OSBPL2: variants seen among roughly 807,000 people sequenced by gnomAD.
OSBPL2 encodes oxysterol-binding protein-related protein 2.
A neutral mutation model predicts 58.4 loss-of-function variants in OSBPL2; 18 were observed. The observed-to-expected ratio is 0.31, with a 90% CI of 0.21 to 0.46. OSBPL2 has a LOEUF of 0.46. Ranked by LOEUF, OSBPL2 falls within the 20% of genes least tolerant of loss-of-function variation. The probability of loss-of-function intolerance (pLI) is 1.00; values close to 1 mark genes in which losing one functional copy is unlikely to be tolerated. For missense variants in OSBPL2, 461 were observed against 616.5 expected (o/e 0.75, Z 2.67); for synonymous variants, 221 against 234.1 (o/e 0.94, Z 0.51).
chr20:62,240,633 G>A (rs549584601), intron 1 of OSBPL2, among the ~76,000 whole-genome samples: 2 of 152,254 alleles, frequency 1.3e-5, no homozygotes, highest in East Asian at 3.9e-4. Context: ...ACCCTGTACT[G>A]CCTTTTAATA....
intron 1 of OSBPL2, among the ~76,000 whole-genome samples, chr20:62,247,554 C>T (rs779173550): frequency 6.6e-6 from 1 of 152,152 alleles, no homozygotes; most frequent in African/African-American, 2.4e-5. Context: ...TTTGACCTGT[C>T]AGGAGGAGGA....
intron 8 of OSBPL2, 178 bp from the exon 9 acceptor site, chr20:62,281,612 T>C: frequency 1.8e-6 from 1 of 563,268 alleles, no homozygotes; most frequent in Non-Finnish European, 3.2e-6. Context: ...GACCGAATCA[T>C]GGAGCCGTCC....
Position 62,279,206 on chromosome 20 carries a change from C to G in OSBPL2, c.541C>G (p.Pro181Ala), listed in dbSNP as rs1010749695. ...FISEQVSHHP[P>A]ISAFHSEGLN... ...ATCGGAACAGGTCAGTCACCACCCC[C>G]CCATCAGTGCGTTCCACTCGGAAGG... Residue 181 changes from proline (P) to alanine (A), a missense_variant, in exon 7 of 14, where the codon CCC (proline) becomes GCC (alanine). By Grantham distance (27) the Pro-to-Ala change is conservative. Around this residue, in one of 5 missense-constraint regions of OSBPL2, gnomAD observed 319 missense variants for 419.2 expected, o/e 0.76. Transcript: ENST00000313733. 6.8e-6 allele frequency: 11 copies of G among 1,614,216 alleles called. No individual in the cohort carries two copies. The highest frequency in any genetic ancestry group is 8.5e-6 in the Non-Finnish European group (10 of 1,180,028).
intron 7 of OSBPL2, chr20:62,279,910 G>A (rs1450899193): frequency 1.6e-6 from 2 of 1,282,994 alleles, no homozygotes; most frequent in East Asian, 1.1e-4. Context: ...TGTGGCAGGG[G>A]TGACTTAGGG....
intron 5 of OSBPL2, 113 bp downstream of exon 5, chr20:62,272,372 C>G: frequency 8.7e-7 from 1 of 1,144,644 alleles, no homozygotes; most frequent in Non-Finnish European, 1.2e-6. Context: ...CAGCTCCCCC[C>G]AGTGTTCAGT....
intron 6 of OSBPL2, among the ~76,000 whole-genome samples, chr20:62,275,213 G>T (rs1982311504): frequency 6.6e-6 from 1 of 152,156 alleles, no homozygotes; most frequent in Non-Finnish European, 1.5e-5. Context: ...AAAAAAATGA[G>T]AGGAACTGTC....
chr20:62,244,430 G>A lies in OSBPL2; in HGVS notation c.-129+5833G>A, dbSNP rs540541692. ...CCTTGGAGTGCTCTCCCTGCCCTCCGGCATGGCTTTCTGAGAGCAGGGCGC... is the reference window on the plus strand; with the variant it reads ...CCTTGGAGTGCTCTCCCTGCCCTCCAGCATGGCTTTCTGAGAGCAGGGCGC... On this transcript the variant is annotated intron_variant, in intron 1 of 13. Transcript: ENST00000313733. Among the ~76,000 whole-genome samples, 7 of 152,320 alleles carry A rather than the reference G, an allele frequency of 4.6e-5. No homozygotes were observed. The East Asian group carries it at 1.2e-3, about 25-fold the overall frequency.
intron 1 of OSBPL2, among the ~76,000 whole-genome samples, chr20:62,240,177 T>C (rs1415638109): frequency 6.6e-6 from 1 of 152,118 alleles, no homozygotes; most frequent in Non-Finnish European, 1.5e-5. Flanking sequence ...TACCACAGTC[T>C]CTGACACCTA....
In OSBPL2 at chr20:62,296,148, T is replaced by C. The variant is rs753802236; in HGVS notation, c.*2261T>C. 1 of 152,252 alleles carries C rather than the reference T, an allele frequency of 6.6e-6. No homozygotes were observed. Among genetic ancestry groups the C allele is most frequent in the Admixed American group, 6.5e-5 (1 of 15,286 alleles). The allele number at this position is 152,252 out of a possible 1,614,324, so 9.4% of individuals were successfully genotyped here. ...TTTGTCACCTTGGATATCTATTGAA[T>C]GTTAAACATCTCTAATAAAGATGGC... On this transcript the variant is annotated 3_prime_UTR_variant, in exon 14 of 14. Coordinates refer to ENST00000313733, the MANE Select transcript of OSBPL2 (RefSeq NM_144498.4).
chr20:62,280,535 C>T (rs1442845120), intron 7 of OSBPL2, among the ~76,000 whole-genome samples: 2 of 152,266 alleles, frequency 1.3e-5, no homozygotes, highest in South Asian at 2.1e-4. Flanking sequence ...GTGGCTCCCC[C>T]ACGTAGCACC....
chr20:62,279,732 C>T (rs977798033), intron 7 of OSBPL2, among the ~76,000 whole-genome samples: 6 of 152,348 alleles, frequency 3.9e-5, no homozygotes, highest in South Asian at 2.1e-4. Context: ...GTCTGAGGGC[C>T]GGGGACCGTG....
At chr20:62,255,692 A>G (rs1380720119) in intron 1 of OSBPL2, among the ~76,000 whole-genome samples, 1 of 152,020 alleles carries the variant, frequency 6.6e-6, no homozygotes, top group Non-Finnish European at 1.5e-5. Context: ...TTAGTTAGAG[A>G]CAGGGTTTCA....
intron 1 of OSBPL2, among the ~76,000 whole-genome samples, chr20:62,247,497 G>A (rs563342456): frequency 2.6e-5 from 4 of 152,278 alleles, no homozygotes; most frequent in African/African-American, 9.6e-5. Flanking sequence ...ATGCCTGACC[G>A]CAGTGTGATC....
intron 4 of OSBPL2, among the ~76,000 whole-genome samples, chr20:62,267,968 T>C (rs1981798532): frequency 1.3e-5 from 2 of 152,054 alleles, no homozygotes; most frequent in East Asian, 3.9e-4. Flanking sequence ...CTGCAACCTC[T>C]GCCTCCTGGG....
chr20:62,243,857 A>AC (rs1184171847), intron 1 of OSBPL2, among the ~76,000 whole-genome samples: 1 of 11,850 alleles, frequency 8.4e-5, no homozygotes, highest in Non-Finnish European at 1.5e-4. Flanking sequence ...TTTTAATTAA[A>AC]AAAAAATTTT....
At position 62,279,029 on chromosome 20, in the gene OSBPL2, C is replaced by T. The variant is rs536062085; in HGVS notation, c.492-128C>T. On this transcript the variant is annotated intron_variant, in intron 6 of 13. Coordinates refer to ENST00000313733, the MANE Select transcript of OSBPL2 (RefSeq NM_144498.4). ...GGAGAGGTGGTGTTGGGTGTTTCCG[C>T]CACATGTTGTGGCATGGAGGGCCCC... 12 of 734,366 alleles carry T rather than the reference C, an allele frequency of 1.6e-5. No homozygotes were observed. The East Asian group carries it at 2.9e-4, about 18-fold the overall frequency. 45.5% of individuals were successfully genotyped at this position (734,366 alleles called of 1,614,324 possible).
rs545890696 is a variant in OSBPL2, at chr20:62,284,053, A to C, written c.880A>C (p.Lys294Gln). The C allele has an allele frequency of 3.1e-6, 5 of 1,611,262 alleles. No homozygotes were observed. The African/African-American group carries it at 4.0e-5, about 13-fold the overall frequency. ...AATCCCATTTAATTACAGCAAAAAG[A>C]AGCTCTTTATGATCTATGGCAAATG... ...EGHIQDKNKK[K>Q]LFMIYGKWTE... The change falls in exon 10 of 14, where the codon AAG becomes CAG. Residue 294 changes from lysine to glutamine, a missense_variant. Coordinates refer to ENST00000313733, the MANE Select transcript of OSBPL2 (RefSeq NM_144498.4).
At chr20:62,245,392 C>A (rs6121965) in intron 1 of OSBPL2, among the ~76,000 whole-genome samples, 1 of 152,202 alleles carries the variant, frequency 6.6e-6, no homozygotes, top group African/African-American at 2.4e-5. Context: ...CGCGCCCGGC[C>A]TGAAACCTGT....
At chr20:62,286,765 C>T in intron 11 of OSBPL2, 54 bp downstream of exon 11, 9 of 1,569,400 alleles carry the variant, frequency 5.7e-6, no homozygotes, top group Non-Finnish European at 7.8e-6. Flanking sequence ...ACACCCACCT[C>T]TGGGCCCAGC....
Sources: gnomAD v4.1 joint callset for allele counts (sites outside exome capture counted in the v4.1 genomes callset) on GRCh38, gnomAD v4.1.1 for gene constraint, gnomAD v4.1.1 regional missense constraint, MANE v1.5 for transcripts, NCBI Gene and HGNC (gene_info 2026-07-23, HGNC 2026-07-21) for gene names.